TMEM117: variants seen among roughly 807,000 people sequenced by gnomAD.
TMEM117 encodes transmembrane protein 117.
A neutral mutation model predicts 52.4 loss-of-function variants in TMEM117; 27 were observed. The ratio of observed to expected loss-of-function variants is 0.51; its 90% CI spans 0.38 to 0.71. TMEM117 has a LOEUF of 0.71. Among genes scored for constraint, TMEM117 ranks in the 30% least tolerant of loss-of-function variants. TMEM117 has a pLI of 0.00. For synonymous variants in TMEM117, 215 were observed against 206.3 expected (o/e 1.04, Z -0.36); for missense variants, 556 against 630.5 (o/e 0.88, Z 1.26).
chr12:44,125,474 C>T (rs369972493), intron 3 of TMEM117, among the ~76,000 whole-genome samples: 3 of 151,980 alleles, frequency 2.0e-5, no homozygotes, highest in Admixed American at 6.5e-5. Flanking sequence ...CCATTTTTTT[C>T]CTAGATTTTC....
chr12:44,292,437 A>T (rs1950716485), intron 5 of TMEM117, among the ~76,000 whole-genome samples: 1 of 151,760 alleles, frequency 6.6e-6, no homozygotes, highest in Admixed American at 6.6e-5. Flanking sequence ...TTGTTTTATT[A>T]GTCTCTATTT....
Position 44,159,226 on chromosome 12 carries a change from A to G in TMEM117, c.510+15602A>G, listed in dbSNP as rs562650369. Among the ~76,000 whole-genome samples the G allele has an allele frequency of 4.6e-5, 7 of 152,240 alleles. No homozygotes were observed. The South Asian group carries it at 1.4e-3, about 32-fold the overall frequency. Reference sequence around the variant, plus strand: ...GTGGAAGGCTGAGTTTGAAAGTGTTAAGTCTTCTTCAGATGGAATGTCTGT... The same window carrying G: ...GTGGAAGGCTGAGTTTGAAAGTGTTGAGTCTTCTTCAGATGGAATGTCTGT... On this transcript the variant is annotated intron_variant, in intron 4 of 7. Coordinates refer to ENST00000266534, the MANE Select transcript of TMEM117 (RefSeq NM_032256.3).
At chr12:44,382,373 A>G (rs980102765) in intron 7 of TMEM117, among the ~76,000 whole-genome samples, 1 of 152,162 alleles carries the variant, frequency 6.6e-6, no homozygotes, top group Admixed American at 6.6e-5. Context: ...ATTATGTCCA[A>G]TTTTAGCTAT....
At chr12:44,241,287 A>G (rs1463145968) in intron 5 of TMEM117, among the ~76,000 whole-genome samples, 6 of 151,930 alleles carry the variant, frequency 3.9e-5, no homozygotes, top group Non-Finnish European at 1.5e-5. Flanking sequence ...TGGAGCCTGC[A>G]CATAAGAAGG....
At chr12:44,333,847 G>A (rs1307329596) in intron 6 of TMEM117, among the ~76,000 whole-genome samples, 1 of 151,954 alleles carries the variant, frequency 6.6e-6, no homozygotes, top group Non-Finnish European at 1.5e-5. Flanking sequence ...CATGGTCTGG[G>A]GAGCCTGGTT....
At chr12:44,200,918 T>C (rs905134079) in intron 4 of TMEM117, among the ~76,000 whole-genome samples, 1 of 152,002 alleles carries the variant, frequency 6.6e-6, no homozygotes, top group Non-Finnish European at 1.5e-5. Flanking sequence ...ACTCACATCA[T>C]TCAGATGTCA....
chr12:43,796,402 G>T, the TMEM117 span, among the ~76,000 whole-genome samples: 1 of 152,052 alleles, frequency 6.6e-6, no homozygotes, highest in Non-Finnish European at 1.5e-5. Flanking sequence ...AAGGGCTCAA[G>T]AATATATATC....
At chr12:44,119,441 T>G (rs137905664) in intron 3 of TMEM117, among the ~76,000 whole-genome samples, 11 of 152,310 alleles carry the variant, frequency 7.2e-5, no homozygotes, top group African/African-American at 2.6e-4. Flanking sequence ...ATGATGCCAT[T>G]TGTTGAAAGT....
chr12:44,024,629 G>A (rs1000980972), intron 3 of TMEM117, among the ~76,000 whole-genome samples: 6 of 151,466 alleles, frequency 4.0e-5, no homozygotes, highest in African/African-American at 1.5e-4. Context: ...AAGGCAGGAA[G>A]GGAGGGAGGG....
Position 44,371,459 on chromosome 12 carries a change from A to G in TMEM117, c.769-5136A>G, listed in dbSNP as rs369736254. 6.0e-3 allele frequency among the ~76,000 whole-genome samples: 919 copies of G among 152,294 alleles called. 5 individuals carry two copies. Among genetic ancestry groups the G allele is most frequent in the Non-Finnish European group, 0.011 (747 of 68,024 alleles). On this transcript the variant is annotated intron_variant, in intron 6 of 7. Coordinates refer to ENST00000266534, the MANE Select transcript of TMEM117 (RefSeq NM_032256.3). ...ATAGCTTTTCACTAAAATCTAATCT[A>G]ATCTATCTCTTAATTTCCTCATAAA...
intron 3 of TMEM117, among the ~76,000 whole-genome samples, chr12:43,998,997 CA>C (rs1219157182): frequency 2.6e-5 from 4 of 152,136 alleles, no homozygotes; most frequent in Non-Finnish European, 5.9e-5. Context: ...TACAGTACTA[CA>C]ATTCACTCAC....
At chr12:43,797,731 T>C in the TMEM117 span, 1 of 1,612,658 alleles carries the variant, frequency 6.2e-7, no homozygotes, top group South Asian at 1.1e-5. Context: ...TTGAGCTGTC[T>C]ATTATTCAAT....
At chr12:44,003,924 G>T (rs1046017593) in intron 3 of TMEM117, among the ~76,000 whole-genome samples, 6 of 152,166 alleles carry the variant, frequency 3.9e-5, no homozygotes, top group Non-Finnish European at 7.3e-5. Context: ...GGCTGAAAGG[G>T]CAGACTTGGC....
the TMEM117 span, among the ~76,000 whole-genome samples, chr12:43,816,455 C>T: frequency 6.6e-6 from 1 of 152,112 alleles, no homozygotes; most frequent in South Asian, 2.1e-4. Flanking sequence ...TGACTTTACT[C>T]ACCTTCTGTC....
chr12:44,137,599 G>C (rs1274005782), intron 3 of TMEM117, among the ~76,000 whole-genome samples: 1 of 152,086 alleles, frequency 6.6e-6, no homozygotes, highest in Non-Finnish European at 1.5e-5. Context: ...ACATGGCTGG[G>C]AGGCATCACA....
intron 6 of TMEM117, among the ~76,000 whole-genome samples, chr12:44,300,329 C>G (rs747016615): frequency 6.6e-6 from 1 of 152,200 alleles, no homozygotes; most frequent in Non-Finnish European, 1.5e-5. Flanking sequence ...TCTGGTGTGA[C>G]TCTTTGGCGT....
intron 3 of TMEM117, among the ~76,000 whole-genome samples, chr12:43,963,085 G>A (rs1945430310): frequency 6.6e-6 from 1 of 151,576 alleles, no homozygotes; most frequent in African/African-American, 2.4e-5. Context: ...TATTGCTTCA[G>A]TATTGCCTCA....
chr12:44,069,145 G>A (rs1041669719), intron 3 of TMEM117, among the ~76,000 whole-genome samples: 4 of 151,992 alleles, frequency 2.6e-5, no homozygotes, highest in Non-Finnish European at 2.9e-5. Context: ...ATCTCTCTTC[G>A]TAGTTGCCCT....
chr12:44,003,854 G>A (rs904100270), intron 3 of TMEM117, among the ~76,000 whole-genome samples: 1 of 152,178 alleles, frequency 6.6e-6, no homozygotes, highest in Non-Finnish European at 1.5e-5. Context: ...GTGATGGCAA[G>A]GAAATGACAT....
Sources: gnomAD v4.1 joint callset for allele counts (sites outside exome capture counted in the v4.1 genomes callset) on GRCh38, gnomAD v4.1.1 for gene constraint, MANE v1.5 for transcripts, NCBI Gene and HGNC (gene_info 2026-07-23, HGNC 2026-07-21) for gene names.